Variants in DOCK10 observed in about 807,000 individuals in gnomAD.
DOCK10 encodes dedicator of cytokinesis protein 10.
A neutral mutation model predicts 280.1 loss-of-function variants in DOCK10; 145 were observed. That is an observed-to-expected ratio of 0.52 (90% CI 0.45 to 0.59). The LOEUF (loss-of-function observed/expected upper bound fraction) is 0.59. Ranked by LOEUF, DOCK10 falls within the 20% of genes least tolerant of loss-of-function variation. DOCK10 has a pLI of 0.00. For synonymous variants in DOCK10, 915 were observed against 942.2 expected (o/e 0.97, Z 0.53); for missense variants, 2,368 against 2,651.7 (o/e 0.89, Z 2.35).
rs79873525 is a variant in DOCK10 at position 224,867,628 on chromosome 2, C to G, written c.1258-2541G>C. 1.6e-3 allele frequency among the ~76,000 whole-genome samples: 243 copies of G among 152,210 alleles called. 4 individuals are homozygous for G. In the East Asian group the frequency reaches 0.033, roughly 21 times the overall value. ...GTACAGAGTTGGTTAGAAGGGATTT[C>G]TAGGTAGGGTGTGTGACATGTGCAA... On this transcript the variant is annotated intron_variant, in intron 11 of 55. Coordinates refer to ENST00000258390, the MANE Select transcript of DOCK10 (RefSeq NM_014689.3).
chr2:224,873,792 C>T (rs1363069403), intron 11 of DOCK10, among the ~76,000 whole-genome samples: 1 of 151,880 alleles, frequency 6.6e-6, no homozygotes, highest in Non-Finnish European at 1.5e-5. Context: ...TTTTATTAGG[C>T]TTTATTCATA....
chr2:225,041,761 C>T (rs1690430166), intron 1 of DOCK10, among the ~76,000 whole-genome samples: 3 of 152,088 alleles, frequency 2.0e-5, no homozygotes, highest in Non-Finnish European at 4.4e-5. Flanking sequence ...CGGGGGGCCC[C>T]AGCTCTAACC....
intron 11 of DOCK10, among the ~76,000 whole-genome samples, chr2:224,873,759 T>C (rs1698446564): frequency 6.6e-6 from 1 of 152,102 alleles, no homozygotes; most frequent in African/African-American, 2.4e-5. Context: ...GGCAGTATAT[T>C]GATAAAGTAT....
chr2:224,853,119 C>A lies in DOCK10; in HGVS notation c.1892G>T (p.Cys631Phe). Residue 631 changes from cysteine (C) to phenylalanine (F), a missense_variant, in exon 17 of 56, where the codon TGT (cysteine) becomes TTT (phenylalanine). Cys to Phe is a radical substitution (Grantham distance 205). Around this residue, in one of 2 missense-constraint regions of DOCK10, gnomAD observed 1,209 missense variants for 1,250.9 expected, o/e 0.97. Transcript: ENST00000258390. ...VDNVPLEHPN[C>F]VTSSFIPVKP... ...GACAGGGATAAAGGACGATGTTACA[C>A]AATCTTAAAAAATCAGAAAATAAGA... 6.4e-7 allele frequency: 1 copy of A among 1,563,208 alleles called. No homozygotes were observed. Among genetic ancestry groups the A allele is most frequent in the South Asian group, 1.2e-5 (1 of 83,694 alleles).
At chr2:224,946,782 A>C in intron 1 of DOCK10, 1 of 1,297,484 alleles carries the variant, frequency 7.7e-7, no homozygotes, top group Non-Finnish European at 1.1e-6. Flanking sequence ...TGTAGAGCTA[A>C]TCATTTTTGA....
At chr2:225,028,830 C>T (rs1192884315) in intron 1 of DOCK10, among the ~76,000 whole-genome samples, 1 of 152,216 alleles carries the variant, frequency 6.6e-6, no homozygotes, top group East Asian at 1.9e-4. Context: ...ATTTTTGAAA[C>T]ACCTGGACAG....
chr2:224,866,652 C>T (rs1264628377), intron 11 of DOCK10, among the ~76,000 whole-genome samples: 6 of 152,232 alleles, frequency 3.9e-5, no homozygotes, highest in East Asian at 3.9e-4. Flanking sequence ...TCTTTCTACA[C>T]GTATTAGCTA....
At chr2:224,991,287 C>T (rs1189674776) in intron 1 of DOCK10, among the ~76,000 whole-genome samples, 2 of 152,158 alleles carry the variant, frequency 1.3e-5, no homozygotes, top group Non-Finnish European at 2.9e-5. Flanking sequence ...TGAAGAGACC[C>T]ACCTGTGTTT....
intron 11 of DOCK10, among the ~76,000 whole-genome samples, chr2:224,873,594 CAAAAAAAA>C (rs35401247): frequency 1.5e-4 from 5 of 33,656 alleles, no homozygotes; most frequent in Non-Finnish European, 2.2e-4. Flanking sequence ...AAGACCATCT[CAAAAAAAA>C]AAAAAAAAAA....
intron 1 of DOCK10, among the ~76,000 whole-genome samples, chr2:224,963,929 T>C (rs1704585390): frequency 6.6e-6 from 1 of 152,006 alleles, no homozygotes; most frequent in African/African-American, 2.4e-5. Context: ...TGATGTACAG[T>C]CCAACTGACT....
At chr2:224,840,611 A>G (rs894729733) in intron 23 of DOCK10, among the ~76,000 whole-genome samples, 6 of 152,220 alleles carry the variant, frequency 3.9e-5, no homozygotes, top group Non-Finnish European at 8.8e-5. Context: ...GTGAAAGATA[A>G]TAATTATTGG....
chr2:224,972,959 A>C (rs752512043), intron 1 of DOCK10, among the ~76,000 whole-genome samples: 23 of 152,236 alleles, frequency 1.5e-4, no homozygotes, highest in Non-Finnish European at 2.9e-4. Context: ...TTCAATAAGT[A>C]TTTCAGTGCT....
intron 1 of DOCK10, among the ~76,000 whole-genome samples, chr2:224,967,283 T>A (rs1274731053): frequency 1.3e-5 from 2 of 151,818 alleles, no homozygotes; most frequent in Non-Finnish European, 2.9e-5. Context: ...GGTTTCACCG[T>A]GTTAGTCAGG....
At chr2:224,854,828 C>A (rs1460696002) in intron 16 of DOCK10, 135 bp downstream of exon 16, 11 of 566,058 alleles carry the variant, frequency 1.9e-5, no homozygotes, top group South Asian at 6.9e-5. Flanking sequence ...AAAAAAAAAA[C>A]CCAAAACCTT....
chr2:224,770,220 C>T lies in DOCK10; in HGVS notation c.6435G>A (p.Met2145Ile). The part of the protein sequence containing the change: ...KDMLSELSTV[M>I]NEQITGRDDL... ...ACCAAGGAGCGCTCACCTGCTCATT[C>T]ATGACTGTGGAGAGTTCGCTGAGCA... is the stretch of plus-strand genomic sequence containing the variant. Residue 2145 changes from methionine to isoleucine, a missense_variant, in exon 55 of 56, where the codon ATG becomes ATA. This residue lies in a region of DOCK10 where 1,159 missense variants were observed against 1,400.8 expected (regional missense o/e 0.83). Transcript: ENST00000258390. The surrounding 1 kb of genome is among the most constrained non-coding windows in gnomAD (Gnocchi z 4.5). The T allele has an allele frequency of 6.3e-7, 1 of 1,580,294 alleles. No individual in the cohort carries two copies. The highest frequency in any genetic ancestry group is 8.6e-7 in the Non-Finnish European group (1 of 1,164,286).
At chr2:224,874,214 C>A in intron 10 of DOCK10, 52 bp downstream of exon 10, 1 of 1,588,554 alleles carries the variant, frequency 6.3e-7, no homozygotes, top group Admixed American at 1.8e-5. Context: ...AAATTATAAT[C>A]CCCAACTGTA....
intron 1 of DOCK10, among the ~76,000 whole-genome samples, chr2:224,942,785 T>C (rs1197010369): frequency 1.3e-5 from 2 of 152,222 alleles, no homozygotes; most frequent in Non-Finnish European, 2.9e-5. Flanking sequence ...ATAGGTACTT[T>C]AAAGATAAGA....
At chr2:224,896,235 G>C in intron 4 of DOCK10, 60 bp downstream of exon 4, 1 of 1,036,094 alleles carries the variant, frequency 9.7e-7, no homozygotes, top group Non-Finnish European at 1.4e-6. Context: ...GGCAGGACTA[G>C]AACAGAGGAT....
rs200639328 is a variant in DOCK10, at chr2:224,874,052, G to A, written c.1201C>T (p.Leu401Phe). The A allele has an allele frequency of 2.0e-4, 318 of 1,613,478 alleles. 1 individual carries two copies. The highest frequency in any genetic ancestry group is 2.6e-4 in the Non-Finnish European group (305 of 1,179,800). The change falls in exon 11 of 56, where the codon CTC becomes TTC. Residue 401 changes from leucine (L) to phenylalanine (F), a missense_variant. Around this residue, in one of 2 missense-constraint regions of DOCK10, gnomAD observed 1,209 missense variants for 1,250.9 expected, o/e 0.97. Coordinates refer to ENST00000258390, the MANE Select transcript of DOCK10 (RefSeq NM_014689.3). ...ACACATCCCTGAAGATTTGAGTTGA[G>A]GGCTTTACAGATGATCATGATTCTC... Reference protein sequence around the residue: ...AKRIMIICKALNSNLQGCVTE... With the variant: ...AKRIMIICKAFNSNLQGCVTE...
Sources: allele counts gnomAD v4.1 joint callset (sites outside exome capture counted in the v4.1 genomes callset), GRCh38; gene constraint gnomAD v4.1.1; regional missense constraint gnomAD v4.1.1; non-coding constraint Gnocchi (gnomAD v3.1); transcripts MANE v1.5; gene names NCBI Gene and HGNC (gene_info 2026-07-23, HGNC 2026-07-21).